Variants in SLC9A8 observed in about 807,000 individuals in gnomAD.
The protein encoded by SLC9A8 is solute carrier family 9 member A8.
Under a neutral mutation model 66.6 loss-of-function variants are expected in SLC9A8, and 48 were observed. That is an observed-to-expected ratio of 0.72 (90% CI 0.57 to 0.92). The LOEUF (loss-of-function observed/expected upper bound fraction) is 0.92. Among genes scored for constraint, SLC9A8 ranks in the 40% least tolerant of loss-of-function variants. The pLI, the probability that SLC9A8 is intolerant of heterozygous loss-of-function variation, is 0.00. For missense variants in SLC9A8, 599 were observed against 747.3 expected (o/e 0.80, Z 2.31); for synonymous variants, 274 against 282.6 (o/e 0.97, Z 0.31).
rs201823362 is a variant in SLC9A8, at chr20:49,834,405, G to A, written c.290-5136G>A. Reference sequence around the variant, plus strand: ...TATACTGTGTATATATATATACTGTGTATATATATATACTGTATATATATA... The same window carrying A: ...TATACTGTGTATATATATATACTGTATATATATATATACTGTATATATATA... On this transcript the variant is annotated intron_variant, in intron 3 of 15. Transcript: ENST00000361573. 2.5e-3 allele frequency among the ~76,000 whole-genome samples: 102 copies of A among 40,874 alleles called. 4 individuals are homozygous for A. The highest frequency in any genetic ancestry group is 3.2e-3 in the Non-Finnish European group (61 of 19,064). The allele number at this position is 40,874 out of a possible 152,430, so 26.8% of individuals were successfully genotyped here. A position where few individuals can be genotyped will look rare whatever the true frequency, so the allele number is the denominator to read the frequency against.
At chr20:49,874,207 TCG>T (rs2089330234) in intron 10 of SLC9A8, among the ~76,000 whole-genome samples, 4 of 151,086 alleles carry the variant, frequency 2.6e-5, no homozygotes, top group Non-Finnish European at 5.9e-5. Context: ...TGAGCCAAGA[TCG>T]CACGCACTAT....
rs532894088 is a variant in SLC9A8, at chr20:49,828,920, T to C, written c.289+5779T>C. Reference sequence around the variant, plus strand: ...CACAGTGCATGGCACACAGTATAGATGTGTGTGTGTGTGTATGTATGCATT... The same window carrying C: ...CACAGTGCATGGCACACAGTATAGACGTGTGTGTGTGTGTATGTATGCATT... On this transcript the variant is annotated intron_variant, in intron 3 of 15. Coordinates refer to ENST00000361573, the MANE Select transcript of SLC9A8 (RefSeq NM_015266.3). Among the ~76,000 whole-genome samples the C allele has an allele frequency of 8.0e-5, 5 of 62,698 alleles. No homozygotes were observed. The South Asian group carries it at 1.9e-3, about 24-fold the overall frequency. 41.1% of individuals were successfully genotyped at this position (62,698 alleles called of 152,430 possible). A position where few individuals can be genotyped will look rare whatever the true frequency, so the allele number is the denominator to read the frequency against.
rs567370278 is a variant in SLC9A8 at position 49,886,105 on chromosome 20, G to A, written c.1492-647G>A. On this transcript the variant is annotated intron_variant, in intron 14 of 15. Coordinates refer to ENST00000361573, the MANE Select transcript of SLC9A8 (RefSeq NM_015266.3). This position sits in a 1 kb window ranked among gnomAD's most constrained non-coding sequence, Gnocchi z 4.8. ...CCTCTGCCCTCCCTGCACCTGCCCC[G>A]TCCCCCTCCCCACCACCTGCAGTGA... 5.4e-5 allele frequency among the ~76,000 whole-genome samples: 4 copies of A among 74,644 alleles called. No individual in the cohort carries two copies. Among genetic ancestry groups the A allele is most frequent in the East Asian group, 6.7e-4 (2 of 2,988 alleles). The allele number at this position is 74,644 out of a possible 152,430, so 49.0% of individuals were successfully genotyped here.
intron 3 of SLC9A8, chr20:49,830,060 G>A: frequency 1.4e-6 from 1 of 710,164 alleles, no homozygotes; most frequent in South Asian, 1.3e-5. Context: ...AAGCGAGCCT[G>A]TTAAAGATGC....
intron 7 of SLC9A8, among the ~76,000 whole-genome samples, chr20:49,854,159 A>G (rs568344023): frequency 2.6e-5 from 4 of 152,252 alleles, no homozygotes; most frequent in African/African-American, 7.2e-5. Flanking sequence ...GCTGCCCTGG[A>G]AAGAAAGTTG....
At chr20:49,834,383 A>AGT (rs2087403158) in intron 3 of SLC9A8, among the ~76,000 whole-genome samples, 3 of 40,162 alleles carry the variant, frequency 7.5e-5, no homozygotes, top group Admixed American at 2.2e-4. Context: ...ATATATATAT[A>AGT]CTGTGTATAT....
chr20:49,853,048 T>G (rs1382332573), intron 7 of SLC9A8, among the ~76,000 whole-genome samples: 2 of 152,176 alleles, frequency 1.3e-5, no homozygotes, highest in Non-Finnish European at 2.9e-5. Context: ...TGAAAAATTT[T>G]AAACATACAG....
At chr20:49,850,053 T>C (rs779225066) in intron 6 of SLC9A8, among the ~76,000 whole-genome samples, 1 of 152,240 alleles carries the variant, frequency 6.6e-6, no homozygotes, top group Non-Finnish European at 1.5e-5. Context: ...TGCTGTTTTT[T>C]GATAAAAATT....
intron 3 of SLC9A8, chr20:49,830,913 C>G (rs2087152271): frequency 1.1e-6 from 1 of 931,510 alleles, no homozygotes; most frequent in South Asian, 1.3e-5. Context: ...AAACTTTAAG[C>G]CTGATTTCTA....
intron 11 of SLC9A8, among the ~76,000 whole-genome samples, chr20:49,876,348 A>G (rs1346658833): frequency 6.6e-6 from 1 of 152,198 alleles, no homozygotes; most frequent in African/African-American, 2.4e-5. Context: ...AGTTTGGCAA[A>G]TGTTAAGTTT....
At position 49,827,369 on chromosome 20, in the gene SLC9A8, G is replaced by T. The variant is rs184021738; in HGVS notation, c.289+4228G>T. On this transcript the variant is annotated intron_variant, in intron 3 of 15. Transcript: ENST00000361573. The stretch of plus-strand genomic sequence containing the variant: ...TGTAATCCCAGCACTTTGGGAGGCC[G>T]AGGCGGGCAGATCACCTGAGGTCAA... Among the ~76,000 whole-genome samples the T allele has an allele frequency of 4.1e-3, 616 of 151,400 alleles. 6 individuals carry two copies. Among genetic ancestry groups the T allele is most frequent in the African/African-American group, 0.014 (595 of 41,380 alleles).
rs1056681223 is a variant in SLC9A8 at position 49,874,819 on chromosome 20, G to T, written c.1073G>T (p.Cys358Phe). 9 of 1,601,836 alleles carry T rather than the reference G, an allele frequency of 5.6e-6. No individual in the cohort carries two copies. Among genetic ancestry groups the T allele is most frequent in the Non-Finnish European group, 7.7e-6 (9 of 1,168,804 alleles). Residue 358 changes from cysteine to phenylalanine, a missense_variant and splice_region_variant, in exon 11 of 16, where the codon TGT (cysteine) becomes TTT (phenylalanine). Transcript: ENST00000361573. ...ACCCTCCGCACCGTGGCCTTCTTAT[G>T]TGGTGAGTTCTGCTTCTGTGTGGCC... Reference protein sequence around the residue: ...QQTLRTVAFLCETCVFAFLGL... With the variant: ...QQTLRTVAFLFETCVFAFLGL...
At chr20:49,863,877 A>G (rs921347718) in intron 9 of SLC9A8, 3 of 152,228 alleles carry the variant, frequency 2.0e-5, no homozygotes, top group Non-Finnish European at 4.4e-5. Context: ...TGTGTCACAG[A>G]TGGCCGGAAG....
At chr20:49,855,648 G>A in intron 8 of SLC9A8, 67 bp downstream of exon 8, 1 of 1,483,868 alleles carries the variant, frequency 6.7e-7, no homozygotes, top group East Asian at 2.4e-5. Context: ...TAACAAAGGG[G>A]CAGATATTTC....
chr20:49,890,611 T>A lies in SLC9A8; in HGVS notation c.*2675T>A, dbSNP rs1347263084. The A allele has an allele frequency of 6.6e-6, 1 of 152,262 alleles. No individual in the cohort carries two copies. The highest frequency in any genetic ancestry group is 2.4e-5 in the African/African-American group (1 of 41,456). The allele number at this position is 152,262 out of a possible 1,614,324, so 9.4% of individuals were successfully genotyped here. On this transcript the variant is annotated 3_prime_UTR_variant, in exon 16 of 16. Coordinates refer to ENST00000361573, the MANE Select transcript of SLC9A8 (RefSeq NM_015266.3). ...TGCTTTCTGCAGCCTGTAGTTGTTA[T>A]GACCCCTCGGAACAACCACCCCGTG...
chr20:49,850,073 A>ATTTTTATTT (rs2088182321), intron 6 of SLC9A8, among the ~76,000 whole-genome samples: 1 of 152,250 alleles, frequency 6.6e-6, no homozygotes, highest in Non-Finnish European at 1.5e-5. Context: ...TTGTATTTAA[A>ATTTTTATTT]AAATCAAAGA....
chr20:49,866,757 A>T (rs942406660), intron 10 of SLC9A8, among the ~76,000 whole-genome samples: 1 of 152,034 alleles, frequency 6.6e-6, no homozygotes, highest in African/African-American at 2.4e-5. Flanking sequence ...TCCAGTTATG[A>T]GAGGTAGCAT....
chr20:49,834,299 C>G (rs1440205249), intron 3 of SLC9A8, among the ~76,000 whole-genome samples: 1 of 135,554 alleles, frequency 7.4e-6, no homozygotes, highest in African/African-American at 2.7e-5. Flanking sequence ...TATACACACA[C>G]TATATATACA....
At chr20:49,850,230 G>A (rs556091899) in intron 6 of SLC9A8, among the ~76,000 whole-genome samples, 1 of 152,258 alleles carries the variant, frequency 6.6e-6, no homozygotes, top group South Asian at 2.1e-4. Context: ...CCAGTTGGGT[G>A]GTCTCTACTT....
Sources: gnomAD v4.1 joint callset for allele counts (sites outside exome capture counted in the v4.1 genomes callset) on GRCh38, gnomAD v4.1.1 for gene constraint, Gnocchi (gnomAD v3.1) non-coding constraint, MANE v1.5 for transcripts, NCBI Gene and HGNC (gene_info 2026-07-23, HGNC 2026-07-21) for gene names.